Variants in LSMEM2 observed in about 807,000 individuals in gnomAD.
LSMEM2 encodes leucine rich single-pass membrane protein 2.
LSMEM2 carries 20 observed loss-of-function variants against 17.3 expected under a neutral mutation model. The observed-to-expected ratio is 1.16, with a 90% CI of 0.81 to 1.68. LSMEM2 has a LOEUF of 1.68. Ranked by LOEUF, LSMEM2 falls within the 40% of genes most tolerant of loss-of-function variation. The pLI is 0.00. For missense variants in LSMEM2, 207 were observed against 214.3 expected, an observed-to-expected ratio of 0.97 and a Z score of 0.21; for synonymous variants, 94 against 97.8, an observed-to-expected ratio of 0.96 and a Z score of 0.23.
In LSMEM2 at chr3:50,287,891, A is replaced by C; in HGVS notation, c.*689A>C. On this transcript the variant is annotated 3_prime_UTR_variant, in exon 4 of 4. Transcript: ENST00000316436. ...TAAGAGTGGGTCATCCTGGGGGAGC[A>C]AGGCCTGAGAAAGGAAAGGAAGGGA... 5 of 378,912 alleles carry C rather than the reference A, an allele frequency of 1.3e-5. No homozygotes were observed. The highest frequency in any genetic ancestry group is 2.5e-5 in the Non-Finnish European group (5 of 203,338). 23.5% of individuals were successfully genotyped at this position (378,912 alleles called of 1,614,324 possible).
At chr3:50,286,309 C>A (rs1575486757) in intron 1 of LSMEM2, 162 bp from the exon 2 acceptor site, 1 of 643,796 alleles carries the variant, frequency 1.6e-6, no homozygotes, top group Non-Finnish European at 1.9e-6. Flanking sequence ...TGGGATCATC[C>A]TGGATCCAAA....
chr3:50,288,103 A>C lies in LSMEM2; in HGVS notation c.*901A>C. 1 of 1,195,976 alleles carries C rather than the reference A, an allele frequency of 8.4e-7. No homozygotes were observed. The highest frequency in any genetic ancestry group is 1.2e-6 in the Non-Finnish European group (1 of 825,522). 74.1% of individuals were successfully genotyped at this position (1,195,976 alleles called of 1,614,324 possible). A position where few individuals can be genotyped will look rare whatever the true frequency, so the allele number is the denominator to read the frequency against. Reference sequence around the variant, plus strand: ...TGTCATTAAAAAAAATAAAGTGACAAATACTGGTGGAGACCAGTTGTTGCA... The same window carrying C: ...TGTCATTAAAAAAAATAAAGTGACACATACTGGTGGAGACCAGTTGTTGCA... On this transcript the variant is annotated 3_prime_UTR_variant, in exon 4 of 4. Coordinates refer to ENST00000316436, the MANE Select transcript of LSMEM2 (RefSeq NM_153215.3).
upstream of LSMEM2, chr3:50,278,900 G>A: frequency 3.5e-6 from 2 of 578,912 alleles, no homozygotes; most frequent in Non-Finnish European, 6.2e-6. Flanking sequence ...TGGACTAGTG[G>A]AGGCAGGCTC....
chr3:50,282,842 C>A (rs2109263736), intron 1 of LSMEM2, among the ~76,000 whole-genome samples: 1 of 151,540 alleles, frequency 6.6e-6, no homozygotes, highest in Admixed American at 6.6e-5. Context: ...TGAGATCATG[C>A]CACTGTACTC....
chr3:50,284,479 C>T (rs1282345201), intron 1 of LSMEM2, among the ~76,000 whole-genome samples: 1 of 151,942 alleles, frequency 6.6e-6, no homozygotes, highest in Non-Finnish European at 1.5e-5. Context: ...CCTGTAATCC[C>T]AGCATTTTGA....
chr3:50,284,082 T>C (rs1553708092), intron 1 of LSMEM2, among the ~76,000 whole-genome samples: 2 of 151,764 alleles, frequency 1.3e-5, no homozygotes, highest in African/African-American at 4.8e-5. Context: ...GGCAGGTGCC[T>C]GTAGTCCCAG....
At position 50,286,580 on chromosome 3, in the gene LSMEM2, T is replaced by C. The variant is rs1553708512; in HGVS notation, c.168T>C (p.Ser56=). Residue 56 remains serine (S), a synonymous_variant, in exon 2 of 4, where the codon AGT becomes AGC. Transcript: ENST00000316436. The stretch of plus-strand genomic sequence containing the variant: ...TGGAGTCCATCAGCGACCTACATAG[T>C]GGAGGTGAGTGGGGACAGTGGGGTG... ...HQVESISDLH[S]GAGTLRPYLT... 1.2e-6 allele frequency: 2 copies of C among 1,611,784 alleles called. No homozygotes were observed. Among genetic ancestry groups the C allele is most frequent in the East Asian group, 2.2e-5 (1 of 44,822 alleles).
At chr3:50,279,057 G>C (rs1316860110), upstream of LSMEM2, 3 of 1,585,752 alleles carry the variant, frequency 1.9e-6, no homozygotes, top group African/African-American at 4.0e-5. Flanking sequence ...GAGGCAGCCA[G>C]GCCTTCCCTG....
chr3:50,281,312 G>A (rs1225046321), intron 1 of LSMEM2, among the ~76,000 whole-genome samples: 1 of 150,288 alleles, frequency 6.7e-6, no homozygotes, highest in Non-Finnish European at 1.5e-5. Flanking sequence ...TGCCCACCTC[G>A]GCCTTCCAAA....
At chr3:50,282,148 G>A (rs1575482753) in intron 1 of LSMEM2, among the ~76,000 whole-genome samples, 2 of 152,064 alleles carry the variant, frequency 1.3e-5, no homozygotes, top group South Asian at 2.1e-4. Context: ...CACCATGCCC[G>A]GCCCTAATCT....
intron 2 of LSMEM2, 23 bp downstream of exon 2, chr3:50,286,607 A>G: frequency 6.2e-7 from 1 of 1,611,478 alleles, no homozygotes; most frequent in Non-Finnish European, 8.5e-7. Flanking sequence ...AGTGGGGTGG[A>G]TGATGTGCTG....
upstream of LSMEM2, among the ~76,000 whole-genome samples, chr3:50,278,658 A>G (rs1553707390): frequency 6.6e-6 from 1 of 152,200 alleles, no homozygotes; most frequent in Admixed American, 6.5e-5. Context: ...TAAGACACAC[A>G]CAACAATAGC....
At chr3:50,286,942 G>A in intron 3 of LSMEM2, 80 bp downstream of exon 3, 3 of 1,585,044 alleles carry the variant, frequency 1.9e-6, no homozygotes, top group Non-Finnish European at 2.6e-6. Context: ...GCTGGAAGGA[G>A]TAACTGCAGA....
chr3:50,281,360 C>CTT (rs1221742314), intron 1 of LSMEM2, among the ~76,000 whole-genome samples: 48 of 103,256 alleles, frequency 4.6e-4, no homozygotes, highest in Non-Finnish European at 5.8e-4. Context: ...GCGCCCGGCC[C>CTT]TTTTTTTTTT....
upstream of LSMEM2, chr3:50,279,039 A>G (rs1208255946): frequency 7.9e-6 from 12 of 1,526,170 alleles, no homozygotes; most frequent in Non-Finnish European, 7.3e-6. Context: ...ATTTTAGGCC[A>G]AGGCTGGGAG....
In LSMEM2 at chr3:50,287,942, G is replaced by T; in HGVS notation, c.*740G>T. On this transcript the variant is annotated 3_prime_UTR_variant, in exon 4 of 4. Transcript: ENST00000316436. ...AAGGCCCCCTAGTGCCTGCCCCACA[G>T]CCCTGAGGAAGGCACATATTTAGCC... 1.9e-6 allele frequency: 1 copy of T among 517,264 alleles called. No individual in the cohort carries two copies. Among genetic ancestry groups the T allele is most frequent in the Non-Finnish European group, 3.5e-6 (1 of 285,524 alleles). 32.0% of individuals were successfully genotyped at this position (517,264 alleles called of 1,614,324 possible). A position where few individuals can be genotyped will look rare whatever the true frequency, so the allele number is the denominator to read the frequency against.
At chr3:50,278,785 C>T (rs948581931), upstream of LSMEM2, among the ~76,000 whole-genome samples, 3 of 152,056 alleles carry the variant, frequency 2.0e-5, no homozygotes, top group Non-Finnish European at 2.9e-5. Context: ...GATGCACAGG[C>T]TTCCTTTGTC....
chr3:50,279,092 A>T lies in LSMEM2; in HGVS notation c.-22A>T, dbSNP rs1701333904. On this transcript the variant is annotated 5_prime_UTR_variant, in exon 1 of 4. Transcript: ENST00000316436. ...GGGCTCACAAAGGAGCCACTGCTGC[A>T]TTTGTCCAGTCCTGCTACTGGATGC... is the stretch of plus-strand genomic sequence containing the variant. 6.2e-7 allele frequency: 1 copy of T among 1,613,814 alleles called. No individual in the cohort carries two copies. The highest frequency in any genetic ancestry group is 1.1e-5 in the South Asian group (1 of 91,076).
chr3:50,282,749 G>A (rs932637074), intron 1 of LSMEM2, among the ~76,000 whole-genome samples: 2 of 152,160 alleles, frequency 1.3e-5, no homozygotes, highest in Non-Finnish European at 2.9e-5. Context: ...GCTGGGCATG[G>A]TGGCACGTGC....
Sources: allele counts gnomAD v4.1 joint callset (sites outside exome capture counted in the v4.1 genomes callset), GRCh38; gene constraint gnomAD v4.1.1; transcripts MANE v1.5; gene names NCBI Gene and HGNC (gene_info 2026-07-23, HGNC 2026-07-21).